Variants in MORN1 observed in about 807,000 individuals in gnomAD.
MORN1 encodes MORN repeat-containing protein 1.
A neutral mutation model predicts 61.9 loss-of-function variants in MORN1; 67 were observed. The ratio of observed to expected loss-of-function variants is 1.08; its 90% CI spans 0.89 to 1.33. The LOEUF (loss-of-function observed/expected upper bound fraction) is 1.33, where lower values mean the gene tolerates loss of function less well. Among genes scored for constraint, MORN1 ranks in the 40% most tolerant of loss-of-function variants. MORN1 has a pLI of 0.00. For missense variants in MORN1, 752 were observed against 691.2 expected (o/e 1.09, Z -0.99); for synonymous variants, 301 against 292.0 (o/e 1.03, Z -0.31).
intron 2 of MORN1, 180 bp from the exon 3 acceptor site, chr1:2,388,517 G>A (rs1042147836): frequency 4.2e-5 from 24 of 571,148 alleles, no homozygotes; most frequent in African/African-American, 5.7e-5. Flanking sequence ...AATATCTGCC[G>A]AAACACGCTT....
Position 2,322,533 on chromosome 1 carries a change from T to C in MORN1, c.1298-954A>G, listed in dbSNP as rs1275456545. ...GCCTCGGGGGCCGGGAGGAATGTGCTTGGCCCCGAGTCAGCTCCTTTAGAA... is the reference window on the plus strand; with the variant it reads ...GCCTCGGGGGCCGGGAGGAATGTGCCTGGCCCCGAGTCAGCTCCTTTAGAA... On this transcript the variant is annotated intron_variant, in intron 13 of 13. Transcript: ENST00000378531. The C allele has an allele frequency of 9.1e-6, 9 of 985,096 alleles. No individual in the cohort carries two copies. The African/African-American group carries it at 1.0e-4, about 11-fold the overall frequency. The allele number at this position is 985,096 out of a possible 1,614,324, so 61.0% of individuals were successfully genotyped here.
chr1:2,354,930 G>C (rs765840104), intron 10 of MORN1, among the ~76,000 whole-genome samples: 11 of 152,180 alleles, frequency 7.2e-5, no homozygotes, highest in Non-Finnish European at 1.5e-4. Context: ...CGTTCCTCTA[G>C]GTTTCCCAAG....
At chr1:2,379,354 C>A in intron 6 of MORN1, 1 of 358,394 alleles carries the variant, frequency 2.8e-6, no homozygotes, top group South Asian at 2.2e-5. Flanking sequence ...AATAAACGAA[C>A]AGCCGGCGCT....
intron 12 of MORN1, among the ~76,000 whole-genome samples, chr1:2,327,528 A>G (rs1414003164): frequency 6.6e-6 from 1 of 152,238 alleles, no homozygotes; most frequent in Admixed American, 6.5e-5. Flanking sequence ...ACACACAGAC[A>G]CAGAGAAACA....
chr1:2,324,640 G>A (rs940386017), intron 12 of MORN1, among the ~76,000 whole-genome samples: 1 of 152,192 alleles, frequency 6.6e-6, no homozygotes, highest in African/African-American at 2.4e-5. Flanking sequence ...GTGTCACCTG[G>A]GAGTGCCATG....
chr1:2,390,755 T>C (rs1642632708), intron 1 of MORN1: 1 of 941,112 alleles, frequency 1.1e-6, no homozygotes, highest in African/African-American at 1.8e-5. Context: ...ACCTGCTCTT[T>C]TTTTTTTTTT....
chr1:2,322,679 A>G, intron 13 of MORN1: 1 of 985,444 alleles, frequency 1.0e-6, no homozygotes, highest in Non-Finnish European at 1.2e-6. Context: ...GAAGAGCCCC[A>G]CATGGCAACG....
chr1:2,354,303 G>A (rs941205893), intron 10 of MORN1, among the ~76,000 whole-genome samples: 5 of 152,266 alleles, frequency 3.3e-5, no homozygotes, highest in Admixed American at 2.0e-4. Flanking sequence ...AGTAAAAGCA[G>A]CCTGTAATCC....
chr1:2,325,558 G>T (rs1270996351), intron 12 of MORN1, among the ~76,000 whole-genome samples: 1 of 151,612 alleles, frequency 6.6e-6, no homozygotes, highest in Non-Finnish European at 1.5e-5. Context: ...TGTTGCCCAG[G>T]TTGGTCTCAA....
intron 12 of MORN1, chr1:2,332,412 T>C (rs2100242893): frequency 2.8e-6 from 1 of 354,700 alleles, no homozygotes; most frequent in Non-Finnish European, 5.6e-6. Context: ...TCCCTGTCCT[T>C]GGTCCACACT....
intron 12 of MORN1, among the ~76,000 whole-genome samples, chr1:2,325,924 T>C (rs1641017240): frequency 6.6e-6 from 1 of 152,082 alleles, no homozygotes; most frequent in Admixed American, 6.5e-5. Context: ...CGTGCCCAGC[T>C]GAGATGTTCT....
At chr1:2,360,195 G>A (rs1042833325) in intron 8 of MORN1, among the ~76,000 whole-genome samples, 10 of 152,316 alleles carry the variant, frequency 6.6e-5, no homozygotes, top group South Asian at 6.2e-4. Context: ...CAGGTTAACA[G>A]GAACCCAGCC....
At chr1:2,332,227 G>C (rs75273719) in intron 12 of MORN1, 3 of 206,404 alleles carry the variant, frequency 1.5e-5, no homozygotes, top group African/African-American at 7.1e-5. Flanking sequence ...GGGCACCGGC[G>C]TCCCCCAGTG....
intron 12 of MORN1, 98 bp downstream of exon 12, chr1:2,336,371 C>T: frequency 2.4e-6 from 3 of 1,263,900 alleles, no homozygotes; most frequent in Non-Finnish European, 3.3e-6. Flanking sequence ...AGACCAGGCC[C>T]TTGGCTCCCC....
At chr1:2,374,700 G>A (rs1339816318) in intron 6 of MORN1, 143 bp from the exon 7 acceptor site, 1 of 641,122 alleles carries the variant, frequency 1.6e-6, no homozygotes, top group Middle Eastern at 3.7e-4. Flanking sequence ...GAGGGTCCTT[G>A]CAGCCTGTCC....
chr1:2,370,241 G>A (rs748504152), intron 8 of MORN1, among the ~76,000 whole-genome samples: 5 of 152,132 alleles, frequency 3.3e-5, no homozygotes, highest in South Asian at 2.1e-4. Context: ...GCAACTCAAC[G>A]GCAAAAGGAC....
At chr1:2,390,267 T>G (rs1250624462) in intron 1 of MORN1, among the ~76,000 whole-genome samples, 6 of 152,118 alleles carry the variant, frequency 3.9e-5, no homozygotes, top group Non-Finnish European at 8.8e-5. Flanking sequence ...TTGAAACAAC[T>G]GCAGGTCCTT....
rs984422997 is a variant in MORN1 at position 2,323,460 on chromosome 1, G to A, written c.1297+637C>T. The A allele has an allele frequency of 4.1e-6, 4 of 985,296 alleles. No homozygotes were observed. The African/African-American group carries it at 7.0e-5, about 17-fold the overall frequency. The allele number at this position is 985,296 out of a possible 1,614,324, so 61.0% of individuals were successfully genotyped here. ...GGCTCCATTCTCCGTCAGGCAGCCAGTCAGCCGCGGTGCCCAGGTCCTGCT... is the reference window on the plus strand; with the variant it reads ...GGCTCCATTCTCCGTCAGGCAGCCAATCAGCCGCGGTGCCCAGGTCCTGCT... On this transcript the variant is annotated intron_variant, in intron 13 of 13. Transcript: ENST00000378531.
chr1:2,348,415 C>A (rs1641561480), intron 10 of MORN1, among the ~76,000 whole-genome samples: 1 of 152,152 alleles, frequency 6.6e-6, no homozygotes, highest in Non-Finnish European at 1.5e-5. Context: ...GGAGCTGACT[C>A]CTCCTCCCTC....
Sources: allele counts gnomAD v4.1 joint callset (sites outside exome capture counted in the v4.1 genomes callset), GRCh38; gene constraint gnomAD v4.1.1; transcripts MANE v1.5; gene names NCBI Gene and HGNC (gene_info 2026-07-23, HGNC 2026-07-21).